SLC2A14: variants seen among roughly 807,000 people sequenced by gnomAD.
SLC2A14 encodes solute carrier family 2, facilitated glucose transporter member 14.
In SLC2A14, 13 loss-of-function variants were observed where a neutral mutation model predicts 43.0. That is an observed-to-expected ratio of 0.30 (90% CI 0.20 to 0.48). The LOEUF (loss-of-function observed/expected upper bound fraction) is 0.48. Ranked by LOEUF, SLC2A14 falls within the 20% of genes least tolerant of loss-of-function variation. The pLI is 0.99. For synonymous variants in SLC2A14, 190 were observed against 233.8 expected, an observed-to-expected ratio of 0.81 and a Z score of 1.71; for missense variants, 428 against 620.4, an observed-to-expected ratio of 0.69 and a Z score of 3.29.
rs1294368984 is a variant in SLC2A14, at chr12:7,872,817, C to T, written c.-68G>A. The T allele has an allele frequency of 5.1e-6, 5 of 985,486 alleles. No homozygotes were observed. The African/African-American group carries it at 8.7e-5, about 17-fold the overall frequency. The allele number at this position is 985,486 out of a possible 1,614,324, so 61.0% of individuals were successfully genotyped here. On this transcript the variant is annotated 5_prime_UTR_variant, in exon 1 of 11. Transcript: ENST00000431042. ...GCGCGGCGCACCCACCTCCCAGACC[C>T]CGCGACTGCGGTTGGGCCCCGCGGC...
chr12:7,883,367 C>T (rs1296158160), intron 1 of SLC2A14, among the ~76,000 whole-genome samples: 9 of 147,976 alleles, frequency 6.1e-5, no homozygotes, highest in East Asian at 2.0e-4. Flanking sequence ...CCTGGGTTCA[C>T]GCCATTCTCT....
chr12:7,825,819 C>CCA (rs4012950), intron 7 of SLC2A14, among the ~76,000 whole-genome samples: 144,322 of 150,020 alleles, frequency 0.96, 69,452 homozygotes, highest in Non-Finnish European at 0.98. Flanking sequence ...TATGCACATA[C>CCA]CACTCTGAAG....
rs748011427 is a variant in SLC2A14 at position 7,848,124 on chromosome 12, G to T, written c.19-15310C>A. On this transcript the variant is annotated intron_variant, in intron 2 of 10. Transcript: ENST00000431042. ...AGCATAGAGACTGTTTCAAGGCAGCGTTTTATTTATCCTCATCTGCCTCCC... is the reference window on the plus strand; with the variant it reads ...AGCATAGAGACTGTTTCAAGGCAGCTTTTTATTTATCCTCATCTGCCTCCC... Among the ~76,000 whole-genome samples the T allele has an allele frequency of 2.0e-5, 3 of 152,266 alleles. No homozygotes were observed. The East Asian group carries it at 5.8e-4, about 29-fold the overall frequency.
intron 1 of SLC2A14, among the ~76,000 whole-genome samples, chr12:7,888,986 C>T (rs917988688): frequency 1.3e-5 from 2 of 151,952 alleles, no homozygotes; most frequent in African/African-American, 4.8e-5. Context: ...CAAATATATA[C>T]ATACACAGGT....
chr12:7,825,416 C>T (rs900183031), intron 7 of SLC2A14, among the ~76,000 whole-genome samples: 10 of 141,938 alleles, frequency 7.0e-5, no homozygotes, highest in Admixed American at 2.3e-4. Context: ...GCTGATATTG[C>T]GCTACTGCAC....
At chr12:7,844,749 TG>T (rs1331770876) in intron 2 of SLC2A14, among the ~76,000 whole-genome samples, 1 of 152,086 alleles carries the variant, frequency 6.6e-6, no homozygotes, top group Non-Finnish European at 1.5e-5. Context: ...TTGGCCAGGC[TG>T]GTCTCGAACC....
chr12:7,882,906 C>T (rs1057016071), intron 1 of SLC2A14, among the ~76,000 whole-genome samples: 2 of 150,528 alleles, frequency 1.3e-5, no homozygotes, highest in Admixed American at 1.3e-4. Context: ...AAAAAAAGGA[C>T]TAAGACTCTT....
chr12:7,820,184 C>G (rs1207839971), intron 8 of SLC2A14, among the ~76,000 whole-genome samples: 1 of 131,520 alleles, frequency 7.6e-6, no homozygotes, highest in Non-Finnish European at 1.6e-5. Context: ...ACCCCAACCC[C>G]ACAGAGACAG....
At position 7,837,328 on chromosome 12, in the gene SLC2A14, T is replaced by C. The variant is rs532935604; in HGVS notation, c.19-4514A>G. Among the ~76,000 whole-genome samples the C allele has an allele frequency of 4.6e-5, 7 of 152,206 alleles. 1 individual carries two copies. The highest frequency in any genetic ancestry group is 1.7e-4 in the African/African-American group (7 of 41,524). On this transcript the variant is annotated intron_variant, in intron 2 of 10. Coordinates refer to ENST00000431042, the MANE Select transcript of SLC2A14 (RefSeq NM_001286234.2). ...AGATATTTTAAAAACTGTAATAAAA[T>C]AAATGTAAGATAAAGTAATAAAAGA...
At chr12:7,832,397 C>T (rs1865115199) in intron 3 of SLC2A14, among the ~76,000 whole-genome samples, 1 of 152,084 alleles carries the variant, frequency 6.6e-6, no homozygotes, top group Non-Finnish European at 1.5e-5. Context: ...CAGCACTGCC[C>T]AGGGTATAAG....
At chr12:7,860,390 C>T (rs754146373) in intron 2 of SLC2A14, 2 of 152,260 alleles carry the variant, frequency 1.3e-5, no homozygotes, top group Admixed American at 1.3e-4. Context: ...CCATGTCCTC[C>T]TGGCCATTCC....
At chr12:7,826,893 C>CTTTCT (rs1451431711) in intron 7 of SLC2A14, among the ~76,000 whole-genome samples, 1 of 64,130 alleles carries the variant, frequency 1.6e-5, no homozygotes, top group Non-Finnish European at 2.9e-5. Flanking sequence ...TTCTTTCTTT[C>CTTTCT]TTTCTTTCTT....
intron 8 of SLC2A14, among the ~76,000 whole-genome samples, chr12:7,820,708 A>G (rs771749738): frequency 1.2e-3 from 146 of 124,778 alleles, no homozygotes; most frequent in African/African-American, 4.6e-3. Flanking sequence ...TCCCTTCTAT[A>G]CTTCCTCTTT....
chr12:7,855,985 T>G (rs1242897032), intron 2 of SLC2A14, among the ~76,000 whole-genome samples: 1 of 152,136 alleles, frequency 6.6e-6, no homozygotes, highest in Non-Finnish European at 1.5e-5. Flanking sequence ...AGTAGACTTT[T>G]AAAAAATCAT....
upstream of SLC2A14, among the ~76,000 whole-genome samples, chr12:7,877,799 C>A (rs1420323029): frequency 6.6e-6 from 1 of 151,770 alleles, no homozygotes; most frequent in Admixed American, 6.6e-5. Context: ...CTTAGTTGGC[C>A]AAGCTGGAGT....
chr12:7,864,083 T>C (rs768682490), intron 2 of SLC2A14, among the ~76,000 whole-genome samples: 2 of 151,990 alleles, frequency 1.3e-5, no homozygotes, highest in African/African-American at 4.8e-5. Flanking sequence ...CACAAAGTGC[T>C]GGGATTACAG....
At chr12:7,874,541 A>G (rs1444018930), upstream of SLC2A14, among the ~76,000 whole-genome samples, 2 of 151,392 alleles carry the variant, frequency 1.3e-5, no homozygotes, top group Non-Finnish European at 2.9e-5. Flanking sequence ...GCGTGGTGGC[A>G]TGCGCCTGTA....
intron 2 of SLC2A14, among the ~76,000 whole-genome samples, chr12:7,836,360 A>G (rs1439847761): frequency 2.0e-5 from 3 of 152,068 alleles, no homozygotes; most frequent in Non-Finnish European, 2.9e-5. Flanking sequence ...AGCTGGGACT[A>G]CAAGCGTGTG....
chr12:7,824,127 G>A (rs1864153175), intron 7 of SLC2A14, among the ~76,000 whole-genome samples: 1 of 151,554 alleles, frequency 6.6e-6, no homozygotes, highest in Admixed American at 6.6e-5. Flanking sequence ...GTGGTGGCAG[G>A]TGCCTGTAGT....
Sources: gnomAD v4.1 joint callset for allele counts (sites outside exome capture counted in the v4.1 genomes callset) on GRCh38, gnomAD v4.1.1 for gene constraint, MANE v1.5 for transcripts, NCBI Gene and HGNC (gene_info 2026-07-23, HGNC 2026-07-21) for gene names.